RYR2: variants seen among roughly 807,000 people sequenced by gnomAD.
RYR2 encodes the protein ryanodine receptor 2.
Under a neutral mutation model 601.1 loss-of-function variants are expected in RYR2, and 227 were observed. That is an observed-to-expected ratio of 0.38 (90% CI 0.34 to 0.42). RYR2 has a LOEUF of 0.42. Among genes scored for constraint, RYR2 ranks in the 10% least tolerant of loss-of-function variants. The probability of loss-of-function intolerance (pLI) is 1.00; values close to 1 mark genes in which losing one functional copy is unlikely to be tolerated. For synonymous variants in RYR2, 2,223 were observed against 2,175.1 expected (o/e 1.02, Z -0.61); for missense variants, 4,646 against 6,156.5 (o/e 0.75, Z 8.21).
chr1:237,447,789 T>C (rs903379829), intron 14 of RYR2, among the ~76,000 whole-genome samples: 2 of 151,408 alleles, frequency 1.3e-5, no homozygotes, highest in African/African-American at 4.9e-5. Context: ...CTCTCCTCCC[T>C]CCTTTCCTTC....
chr1:237,169,986 T>A (rs899857510), intron 1 of RYR2, among the ~76,000 whole-genome samples: 4 of 152,204 alleles, frequency 2.6e-5, no homozygotes, highest in African/African-American at 7.2e-5. Flanking sequence ...AAGTTGTTAT[T>A]ATAGGTGCTG....
chr1:237,789,745 C>T (rs1336987822), intron 92 of RYR2, among the ~76,000 whole-genome samples: 1 of 152,232 alleles, frequency 6.6e-6, no homozygotes, highest in Non-Finnish European at 1.5e-5. Flanking sequence ...CACAGCTCCT[C>T]CCTTTTCCTG....
chr1:237,377,950 T>G (rs140569193), intron 8 of RYR2, among the ~76,000 whole-genome samples: 2 of 152,284 alleles, frequency 1.3e-5, no homozygotes, highest in African/African-American at 2.4e-5. Flanking sequence ...AATGGGAGAA[T>G]GAAGGAAGAA....
rs572590983 is a variant in RYR2 at position 237,291,963 on chromosome 1, C to T, written c.168+21347C>T. ...GTAGGTTTGACATCAATTGTAACAG[C>T]GGTGTCACTTTGATGAAAGATACTG... is the stretch of plus-strand genomic sequence containing the variant. On this transcript the variant is annotated intron_variant, in intron 2 of 104. Transcript: ENST00000366574. Among the ~76,000 whole-genome samples, 16 of 152,232 alleles carry T rather than the reference C, an allele frequency of 1.1e-4. 1 individual carries two copies. In the East Asian group the frequency reaches 2.1e-3, roughly 20 times the overall value.
intron 35 of RYR2, among the ~76,000 whole-genome samples, chr1:237,603,827 G>A (rs1573061086): frequency 6.6e-6 from 1 of 152,098 alleles, no homozygotes; most frequent in East Asian, 1.9e-4. Flanking sequence ...GACAAACAAG[G>A]CCATTACATA....
At chr1:237,733,376 A>G (rs890529757) in intron 78 of RYR2, among the ~76,000 whole-genome samples, 4 of 152,068 alleles carry the variant, frequency 2.6e-5, no homozygotes, top group African/African-American at 9.7e-5. Context: ...CCCCCACCTC[A>G]TTTAAGTTTG....
At chr1:237,252,325 C>T (rs756519953) in intron 1 of RYR2, among the ~76,000 whole-genome samples, 19 of 152,094 alleles carry the variant, frequency 1.2e-4, no homozygotes, top group Non-Finnish European at 2.6e-4. Context: ...GTGTTGGCTG[C>T]TCTTTCCTGC....
At chr1:237,459,569 T>C (rs1318518580) in intron 16 of RYR2, among the ~76,000 whole-genome samples, 1 of 152,224 alleles carries the variant, frequency 6.6e-6, no homozygotes, top group African/African-American at 2.4e-5. Flanking sequence ...CAACAGGTAT[T>C]GTATCCATGA....
At chr1:237,568,553 G>C (rs1352931555) in intron 28 of RYR2, among the ~76,000 whole-genome samples, 1 of 152,138 alleles carries the variant, frequency 6.6e-6, no homozygotes, top group Non-Finnish European at 1.5e-5. Context: ...TACTTCAGCA[G>C]ATATCCTAAG....
At position 237,792,253 on chromosome 1, in the gene RYR2, C is replaced by T. The variant is rs200803276; in HGVS notation, c.13712C>T (p.Thr4571Met). Residue 4571 changes from threonine to methionine, a missense_variant, in exon 94 of 105, where the codon ACG (threonine) becomes ATG (methionine). Coordinates refer to ENST00000366574, the MANE Select transcript of RYR2 (RefSeq NM_001035.3). ...LEESSGYMEP[T>M]LRILAILHTV... The stretch of plus-strand genomic sequence containing the variant: ...GAGAGCAGCGGCTACATGGAGCCCA[C>T]GTTGCGTATCTTAGCTATTCTGCAC... The T allele has an allele frequency of 1.8e-5, 29 of 1,613,590 alleles. No individual in the cohort carries two copies. Among genetic ancestry groups the T allele is most frequent in the Admixed American group, 1.7e-4 (10 of 59,956 alleles).
chr1:237,665,142 T>C (rs1218632988), intron 56 of RYR2, among the ~76,000 whole-genome samples: 1 of 152,138 alleles, frequency 6.6e-6, no homozygotes, highest in Non-Finnish European at 1.5e-5. Flanking sequence ...GGCTCACACC[T>C]GTAATCCCAG....
intron 1 of RYR2, among the ~76,000 whole-genome samples, chr1:237,095,677 A>G (rs531251462): frequency 9.0e-4 from 137 of 152,266 alleles, no homozygotes; most frequent in Non-Finnish European, 1.7e-3. Flanking sequence ...GTTTTGGGAG[A>G]TGCTGACAAC....
chr1:237,114,908 G>A (rs7524016), intron 1 of RYR2, among the ~76,000 whole-genome samples: 7,960 of 152,228 alleles, frequency 0.052, 379 homozygotes, highest in African/African-American at 0.12. Flanking sequence ...ATCTTTAGCA[G>A]AATGTGATGA....
intron 97 of RYR2, among the ~76,000 whole-genome samples, chr1:237,799,644 T>A (rs1393135751): frequency 2.0e-5 from 3 of 152,220 alleles, no homozygotes; most frequent in Non-Finnish European, 4.4e-5. Flanking sequence ...GATTTACATA[T>A]AATGTCTCTT....
At chr1:237,782,399 C>A (rs538971409) in intron 89 of RYR2, among the ~76,000 whole-genome samples, 1 of 152,232 alleles carries the variant, frequency 6.6e-6, no homozygotes, top group South Asian at 2.1e-4. Flanking sequence ...ACAACCAAAA[C>A]AACTAAGAAA....
intron 90 of RYR2, among the ~76,000 whole-genome samples, chr1:237,785,281 A>T (rs1695457973): frequency 6.6e-6 from 1 of 152,210 alleles, no homozygotes; most frequent in Non-Finnish European, 1.5e-5. Flanking sequence ...ACTTTTAGAT[A>T]CCTGTAAGTG....
chr1:237,311,798 T>A (rs12741336), intron 2 of RYR2, among the ~76,000 whole-genome samples: 1 of 152,164 alleles, frequency 6.6e-6, no homozygotes, highest in Non-Finnish European at 1.5e-5. Flanking sequence ...TCTTTAGAAC[T>A]GTCTTTTGTG....
intron 87 of RYR2, 69 bp from the exon 88 acceptor site, chr1:237,778,597 G>C (rs187392391): frequency 3.8e-6 from 3 of 781,568 alleles, no homozygotes; most frequent in Admixed American, 2.0e-5. Context: ...CTTTTCCCCT[G>C]TTATTGTACA....
At chr1:237,336,819 T>G (rs997695715) in intron 3 of RYR2, among the ~76,000 whole-genome samples, 6 of 151,984 alleles carry the variant, frequency 3.9e-5, no homozygotes, top group Non-Finnish European at 8.8e-5. Context: ...ATTGCACCAC[T>G]GTTCTCCAGC....
Sources: gnomAD v4.1 joint callset for allele counts (sites outside exome capture counted in the v4.1 genomes callset) on GRCh38, gnomAD v4.1.1 for gene constraint, MANE v1.5 for transcripts, NCBI Gene and HGNC (gene_info 2026-07-23, HGNC 2026-07-21) for gene names.